Variants in SCAPER observed in about 807,000 individuals in gnomAD.
The protein encoded by SCAPER is S phase cyclin A-associated protein in the endoplasmic reticulum.
SCAPER carries 98 observed loss-of-function variants against 182.2 expected under a neutral mutation model. The observed-to-expected ratio is 0.54, with a 90% CI of 0.46 to 0.64. The LOEUF (loss-of-function observed/expected upper bound fraction) is 0.64, where lower values mean the gene tolerates loss of function less well. Ranked by LOEUF, SCAPER falls within the 30% of genes least tolerant of loss-of-function variation. The pLI is 0.00. For synonymous variants in SCAPER, 605 were observed against 564.6 expected (o/e 1.07, Z -1.01); for missense variants, 1,432 against 1,690.0 (o/e 0.85, Z 2.68).
intron 17 of SCAPER, among the ~76,000 whole-genome samples, chr15:76,709,193 G>A (rs893132508): frequency 2.6e-5 from 4 of 152,208 alleles, no homozygotes; most frequent in South Asian, 2.1e-4. Context: ...ATGCAGTAGC[G>A]CAATCTCGAC....
At chr15:76,636,387 T>TA (rs1230680803) in intron 21 of SCAPER, among the ~76,000 whole-genome samples, 1 of 152,068 alleles carries the variant, frequency 6.6e-6, no homozygotes, top group African/African-American at 2.4e-5. Context: ...GCTTTTTGGT[T>TA]AGTCTACTGT....
At chr15:76,692,696 G>GAAAAAAAAAAAA (rs71143354) in intron 20 of SCAPER, among the ~76,000 whole-genome samples, 1 of 98,770 alleles carries the variant, frequency 1.0e-5, no homozygotes. Context: ...TTCAAAAAAA[G>GAAAAAAAAAAAA]AAAAAAAAAA....
At chr15:76,902,775 G>C (rs567611824) in intron 1 of SCAPER, among the ~76,000 whole-genome samples, 1 of 152,314 alleles carries the variant, frequency 6.6e-6, no homozygotes, top group South Asian at 2.1e-4. Context: ...AAGTGAAAGA[G>C]GCCAGGTGCA....
chr15:76,747,506 T>A (rs953299805), intron 15 of SCAPER, among the ~76,000 whole-genome samples: 18 of 151,414 alleles, frequency 1.2e-4, no homozygotes, highest in South Asian at 4.2e-4. Context: ...GTCTCAAAAA[T>A]ATATATATAT....
intron 25 of SCAPER, among the ~76,000 whole-genome samples, chr15:76,466,949 G>A (rs1034837814): frequency 6.6e-6 from 1 of 152,132 alleles, no homozygotes. Context: ...CAATGTTGGA[G>A]GAAGGGCCTG....
chr15:76,740,281 A>C (rs1337940763), intron 15 of SCAPER, among the ~76,000 whole-genome samples: 1 of 152,236 alleles, frequency 6.6e-6, no homozygotes, highest in Non-Finnish European at 1.5e-5. Flanking sequence ...AAAATGACCT[A>C]ATATAAAGAT....
At chr15:76,424,882 A>G (rs2142393522) in intron 26 of SCAPER, among the ~76,000 whole-genome samples, 1 of 152,258 alleles carries the variant, frequency 6.6e-6, no homozygotes, top group African/African-American at 2.4e-5. Context: ...TATGAAGCTT[A>G]GTTTGGCAGG....
chr15:76,506,678 CAT>C (rs2041612907), intron 23 of SCAPER, among the ~76,000 whole-genome samples: 1 of 152,116 alleles, frequency 6.6e-6, no homozygotes, highest in East Asian at 1.9e-4. Context: ...TTAAAAATCA[CAT>C]CTTTATCACA....
At chr15:76,786,513 T>C (rs530652440) in intron 8 of SCAPER, among the ~76,000 whole-genome samples, 1 of 152,178 alleles carries the variant, frequency 6.6e-6, no homozygotes, top group Non-Finnish European at 1.5e-5. Flanking sequence ...AGAACATCCA[T>C]AAAAATACCT....
At chr15:76,849,366 CA>C (rs976996388) in intron 4 of SCAPER, among the ~76,000 whole-genome samples, 1 of 152,212 alleles carries the variant, frequency 6.6e-6, no homozygotes, top group African/African-American at 2.4e-5. Context: ...CGACAAACTG[CA>C]ATCAACCCAA....
At position 76,554,788 on chromosome 15, in the gene SCAPER, C is replaced by CCTT. The variant is rs397950459; in HGVS notation, c.2838+19369_2838+19370insAAG. On this transcript the variant is annotated intron_variant, in intron 23 of 31. Transcript: ENST00000563290. The stretch of plus-strand genomic sequence containing the variant: ...AGATTGGGGGCCTATATTCAGCATT[C>CCTT]TTTTTTTTTTTTTTTTGAGACAGAG... Among the ~76,000 whole-genome samples the CCTT allele has an allele frequency of 2.2e-4, 16 of 71,156 alleles. 2 individuals are homozygous for CCTT. The highest frequency in any genetic ancestry group is 3.0e-4 in the Admixed American group (2 of 6,664). The allele number at this position is 71,156 out of a possible 152,430, so 46.7% of individuals were successfully genotyped here.
At chr15:76,428,087 C>G (rs568668114) in intron 26 of SCAPER, among the ~76,000 whole-genome samples, 1 of 151,960 alleles carries the variant, frequency 6.6e-6, no homozygotes, top group African/African-American at 2.4e-5. Context: ...GCAACAGTGT[C>G]TCAAAAAACA....
intron 8 of SCAPER, among the ~76,000 whole-genome samples, chr15:76,784,018 T>A (rs971871320): frequency 6.6e-6 from 1 of 152,136 alleles, no homozygotes; most frequent in African/African-American, 2.4e-5. Flanking sequence ...CAACACAGTG[T>A]TGGAAGTTCT....
chr15:76,888,217 G>A (rs1004010810), intron 1 of SCAPER, among the ~76,000 whole-genome samples: 2 of 152,176 alleles, frequency 1.3e-5, no homozygotes. Context: ...CCACAAAGAT[G>A]GGGAGAAACC....
intron 16 of SCAPER, among the ~76,000 whole-genome samples, chr15:76,730,697 T>G (rs280034): frequency 0.97 from 147,787 of 152,180 alleles, 71,884 homozygotes; most frequent in South Asian, 1. Context: ...TAAATATAAA[T>G]AATTAAAGCA....
At chr15:76,682,450 C>T (rs1040320798) in intron 20 of SCAPER, among the ~76,000 whole-genome samples, 2 of 152,066 alleles carry the variant, frequency 1.3e-5, no homozygotes, top group South Asian at 2.1e-4. Context: ...ACTGCAAGCG[C>T]GAGTGCAAAC....
chr15:76,786,777 CAAG>C (rs2064641091), intron 8 of SCAPER, among the ~76,000 whole-genome samples: 1 of 152,036 alleles, frequency 6.6e-6, no homozygotes, highest in Non-Finnish European at 1.5e-5. Context: ...ATAAAAACTC[CAAG>C]AATTATATGG....
At chr15:76,720,279 T>C (rs1429223539) in intron 17 of SCAPER, among the ~76,000 whole-genome samples, 2 of 152,262 alleles carry the variant, frequency 1.3e-5, no homozygotes, top group South Asian at 2.1e-4. Flanking sequence ...TATGGCTGCA[T>C]AGTATTCCAT....
chr15:76,357,824 T>C (rs1263743608), intron 29 of SCAPER, among the ~76,000 whole-genome samples: 1 of 152,220 alleles, frequency 6.6e-6, no homozygotes, highest in Non-Finnish European at 1.5e-5. Flanking sequence ...GAGGCCATTA[T>C]CTTAAGTGAA....
Sources: allele counts gnomAD v4.1 joint callset (sites outside exome capture counted in the v4.1 genomes callset), GRCh38; gene constraint gnomAD v4.1.1; transcripts MANE v1.5; gene names NCBI Gene and HGNC (gene_info 2026-07-23, HGNC 2026-07-21).